MIB1: variants seen among roughly 807,000 people sequenced by gnomAD.
The protein encoded by MIB1 is MIB E3 ubiquitin protein ligase 1.
A neutral mutation model predicts 124.5 loss-of-function variants in MIB1; 278 were observed. The observed-to-expected ratio is 2.23, with a 90% CI of 2.02 to 2.47. MIB1 has a LOEUF of 2.47. Ranked by LOEUF, MIB1 falls within the 30% of genes most tolerant of loss-of-function variation. The pLI is 0.00. For synonymous variants in MIB1, 446 were observed against 429.4 expected, an observed-to-expected ratio of 1.04 and a Z score of -0.48; for missense variants, 957 against 1,254.4, an observed-to-expected ratio of 0.76 and a Z score of 3.58.
upstream of MIB1, among the ~76,000 whole-genome samples, chr18:21,738,856 A>C (rs2040809266): frequency 1.5e-5 from 2 of 136,704 alleles, no homozygotes; most frequent in South Asian, 2.4e-4. Flanking sequence ...AAAAAAAAAA[A>C]AAAAAAAAAA....
intron 12 of MIB1, among the ~76,000 whole-genome samples, chr18:21,824,912 C>A (rs1217547121): frequency 6.6e-6 from 1 of 151,940 alleles, no homozygotes; most frequent in South Asian, 2.1e-4. Flanking sequence ...AGTTTATCCC[C>A]ACTGAAGGAG....
chr18:21,790,658 G>A (rs1053550756), intron 6 of MIB1, among the ~76,000 whole-genome samples: 1 of 152,196 alleles, frequency 6.6e-6, no homozygotes, highest in African/African-American at 2.4e-5. Context: ...ATGTCTGTAA[G>A]GACACAGAGT....
At chr18:21,750,359 G>T (rs1214861685) in intron 1 of MIB1, among the ~76,000 whole-genome samples, 2 of 151,930 alleles carry the variant, frequency 1.3e-5, no homozygotes, top group African/African-American at 4.8e-5. Flanking sequence ...ACGGAGTCTC[G>T]CTCTGTCGTC....
chr18:21,715,850 A>G (rs2040687496), intron 1 of MIB1, among the ~76,000 whole-genome samples: 1 of 152,168 alleles, frequency 6.6e-6, no homozygotes. Flanking sequence ...AAAGCCTCTA[A>G]GAAATCTGAG....
upstream of MIB1, among the ~76,000 whole-genome samples, chr18:21,738,410 T>C (rs1355535961): frequency 6.6e-6 from 1 of 152,116 alleles, no homozygotes; most frequent in Non-Finnish European, 1.5e-5. Flanking sequence ...TACCAGAATC[T>C]CTGGGACTCA....
chr18:21,753,304 G>T (rs1452020751), intron 1 of MIB1, among the ~76,000 whole-genome samples: 3 of 151,250 alleles, frequency 2.0e-5, no homozygotes, highest in African/African-American at 7.3e-5. Flanking sequence ...TTCTCCTGCC[G>T]CAGCCTCCTA....
intron 1 of MIB1, among the ~76,000 whole-genome samples, chr18:21,748,752 T>TTA (rs2040941121): frequency 7.2e-6 from 1 of 138,286 alleles, no homozygotes; most frequent in Non-Finnish European, 1.5e-5. Context: ...TTTTTTTTTT[T>TTA]TAAAGAGTTT....
chr18:21,863,163 G>A (rs1199219215), intron 20 of MIB1, among the ~76,000 whole-genome samples: 3 of 152,182 alleles, frequency 2.0e-5, no homozygotes, highest in Non-Finnish European at 4.4e-5. Flanking sequence ...TCCATGCAGC[G>A]GCACCCAGGT....
chr18:21,831,146 T>G (rs1167116251), intron 12 of MIB1: 1 of 150,810 alleles, frequency 6.6e-6, no homozygotes, highest in Admixed American at 6.6e-5. Flanking sequence ...AAACACACCT[T>G]ACTCCCCCCA....
chr18:21,765,269 T>A (rs890600144), intron 1 of MIB1, among the ~76,000 whole-genome samples: 2 of 152,238 alleles, frequency 1.3e-5, no homozygotes, highest in African/African-American at 4.8e-5. Flanking sequence ...CTAATCATTT[T>A]CTAACTTTTC....
intron 4 of MIB1, among the ~76,000 whole-genome samples, chr18:21,776,268 CAAAAA>C (rs11298130): frequency 1.5e-5 from 2 of 130,902 alleles, no homozygotes; most frequent in Non-Finnish European, 1.6e-5. Flanking sequence ...GACCCTGTCT[CAAAAA>C]AAAAAAAAAA....
chr18:21,768,716 G>A lies in MIB1; in HGVS notation c.495G>A (p.Trp165Ter), dbSNP rs555100569. The A allele has an allele frequency of 1.2e-6, 2 of 1,611,190 alleles. No individual in the cohort carries two copies. Among genetic ancestry groups the A allele is most frequent in the Non-Finnish European group, 1.7e-6 (2 of 1,178,586 alleles). ...ARVVRGVDWQ[W>*]EDQDGGNGRR... ...TGGTGCGAGGAGTGGACTGGCAGTG[G>A]GAAGATCAAGATGGAGGAAATGGAC... The change falls in exon 3 of 21, where the codon TGG becomes TGA. Residue 165 changes from tryptophan (W) to a stop codon, truncating the protein, a stop_gained. Transcript: ENST00000261537. LOFTEE classifies it high-confidence loss of function.
At chr18:21,795,321 A>ATATATT (rs899349168) in intron 7 of MIB1, among the ~76,000 whole-genome samples, 148 of 132,554 alleles carry the variant, frequency 1.1e-3, no homozygotes, top group African/African-American at 4.5e-3. Context: ...TATTATATAT[A>ATATATT]ATATATAAAT....
chr18:21,800,031 C>A, intron 9 of MIB1, 57 bp downstream of exon 9: 2 of 1,386,882 alleles, frequency 1.4e-6, no homozygotes, highest in Non-Finnish European at 2.0e-6. Context: ...TATAATGAAC[C>A]TTATCCTCAA....
chr18:21,792,583 A>G (rs2146444447), intron 7 of MIB1, among the ~76,000 whole-genome samples: 1 of 152,344 alleles, frequency 6.6e-6, no homozygotes, highest in East Asian at 1.9e-4. Context: ...AGTGAACAAT[A>G]CAGAAAAAAT....
chr18:21,865,433 T>C lies in MIB1; in HGVS notation c.*767T>C, dbSNP rs1010364766. The C allele has an allele frequency of 2.6e-5, 4 of 152,126 alleles. No individual in the cohort carries two copies. Among genetic ancestry groups the C allele is most frequent in the Non-Finnish European group, 5.9e-5 (4 of 68,018 alleles). 9.4% of individuals were successfully genotyped at this position (152,126 alleles called of 1,614,324 possible). A position where few individuals can be genotyped will look rare whatever the true frequency, so the allele number is the denominator to read the frequency against. ...GTATCTATTAACTGGCCACTAACAG[T>C]TGCCTTTCTTACATTAATTTATACA... On this transcript the variant is annotated 3_prime_UTR_variant, in exon 21 of 21. Transcript: ENST00000261537.
chr18:21,823,926 T>A (rs2041902258), intron 12 of MIB1, among the ~76,000 whole-genome samples: 1 of 152,200 alleles, frequency 6.6e-6, no homozygotes, highest in Non-Finnish European at 1.5e-5. Context: ...CTGATAAAAG[T>A]GAAAACTGAA....
chr18:21,819,949 A>G (rs1188047680), intron 12 of MIB1, among the ~76,000 whole-genome samples: 1 of 152,180 alleles, frequency 6.6e-6, no homozygotes, highest in African/African-American at 2.4e-5. Context: ...TTTCTTCAAA[A>G]TAATTATCTG....
intron 1 of MIB1, among the ~76,000 whole-genome samples, chr18:21,756,557 C>T (rs369960491): frequency 4.7e-4 from 72 of 152,078 alleles, no homozygotes; most frequent in African/African-American, 1.6e-3. Context: ...CTTTGCCTCC[C>T]GGGTTCAAGT....
Sources: gnomAD v4.1 joint callset for allele counts (sites outside exome capture counted in the v4.1 genomes callset) on GRCh38, gnomAD v4.1.1 for gene constraint, MANE v1.5 for transcripts, NCBI Gene and HGNC (gene_info 2026-07-23, HGNC 2026-07-21) for gene names.